The following MALT1 variants were observed in gnomAD, a reference collection of about 807,000 sequenced individuals.
The protein encoded by MALT1 is MALT1 paracaspase, also known as mucosa-associated lymphoid tissue lymphoma translocation protein 1.
MALT1 carries 36 observed loss-of-function variants against 85.5 expected under a neutral mutation model. The observed-to-expected ratio is 0.42, with a 90% CI of 0.32 to 0.56. The LOEUF is 0.56. Among genes scored for constraint, MALT1 ranks in the 20% least tolerant of loss-of-function variants. The pLI, the probability that MALT1 is intolerant of heterozygous loss-of-function variation, is 0.10. For synonymous variants in MALT1, 359 were observed against 361.3 expected, an observed-to-expected ratio of 0.99 and a Z score of 0.07; for missense variants, 716 against 981.6, an observed-to-expected ratio of 0.73 and a Z score of 3.62.
At chr18:58,706,265 T>A (rs1197747658) in intron 4 of MALT1, among the ~76,000 whole-genome samples, 1 of 152,188 alleles carries the variant, frequency 6.6e-6, no homozygotes, top group South Asian at 2.1e-4. Flanking sequence ...CAACTGATTC[T>A]CCTGCCTCAG....
chr18:58,725,864 C>T (rs1190075666), intron 10 of MALT1, among the ~76,000 whole-genome samples: 1 of 152,086 alleles, frequency 6.6e-6, no homozygotes, highest in Non-Finnish European at 1.5e-5. Context: ...AGTTCGAGAC[C>T]AGCCTGGCCA....
chr18:58,746,033 T>TAAAAAA (rs2055362387), intron 16 of MALT1, among the ~76,000 whole-genome samples: 1 of 152,216 alleles, frequency 6.6e-6, no homozygotes, highest in East Asian at 1.9e-4. Context: ...TTTCTTTTTT[T>TAAAAAA]AGAGACAGAG....
intron 4 of MALT1, among the ~76,000 whole-genome samples, chr18:58,701,184 A>T (rs899244956): frequency 3.3e-5 from 5 of 152,056 alleles, no homozygotes; most frequent in African/African-American, 9.7e-5. Context: ...GATGACATAG[A>T]CAGGCCTCAG....
intron 9 of MALT1, among the ~76,000 whole-genome samples, chr18:58,718,368 T>C (rs1368313190): frequency 6.6e-6 from 1 of 152,226 alleles, no homozygotes; most frequent in Non-Finnish European, 1.5e-5. Context: ...CCCCAGGCTG[T>C]GGACCAGAAC....
intron 10 of MALT1, among the ~76,000 whole-genome samples, chr18:58,727,633 T>TG (rs1450230635): frequency 6.7e-6 from 1 of 150,150 alleles, no homozygotes; most frequent in African/African-American, 2.5e-5. Context: ...TTTTTGTTTT[T>TG]TTTTTTTTTG....
chr18:58,688,018 A>C (rs2054431028), intron 2 of MALT1, among the ~76,000 whole-genome samples: 1 of 152,168 alleles, frequency 6.6e-6, no homozygotes, highest in Non-Finnish European at 1.5e-5. Flanking sequence ...TTAAAATAGA[A>C]CTTTCATTTG....
intron 13 of MALT1, among the ~76,000 whole-genome samples, chr18:58,736,568 C>G (rs897239583): frequency 7.2e-5 from 11 of 152,150 alleles, no homozygotes; most frequent in African/African-American, 2.2e-4. Flanking sequence ...TCCATTTTAA[C>G]TATTTTAAAA....
chr18:58,745,139 G>A (rs56757480), intron 15 of MALT1, among the ~76,000 whole-genome samples: 25,450 of 152,160 alleles, frequency 0.17, 2,709 homozygotes, highest in East Asian at 0.29. Flanking sequence ...TCAGCAGTAC[G>A]GAGCCCAGAT....
At chr18:58,693,023 T>C (rs917537170) in intron 2 of MALT1, among the ~76,000 whole-genome samples, 8 of 152,198 alleles carry the variant, frequency 5.3e-5, no homozygotes, top group African/African-American at 1.7e-4. Context: ...AGTTGGTTCA[T>C]GAGGTTTAAG....
At chr18:58,687,001 T>C (rs750508109) in intron 2 of MALT1, among the ~76,000 whole-genome samples, 1 of 152,182 alleles carries the variant, frequency 6.6e-6, no homozygotes, top group Non-Finnish European at 1.5e-5. Flanking sequence ...TCAATACCAT[T>C]TCCATAATGC....
chr18:58,734,402 C>T (rs200733306), intron 12 of MALT1, 21 bp downstream of exon 12: 80 of 1,593,022 alleles, frequency 5.0e-5, no homozygotes, highest in Non-Finnish European at 5.9e-5. Context: ...TTGATGTTTA[C>T]GTTGAAGTTT....
intron 2 of MALT1, among the ~76,000 whole-genome samples, chr18:58,692,308 T>A (rs1369234956): frequency 6.6e-6 from 1 of 152,124 alleles, no homozygotes; most frequent in Non-Finnish European, 1.5e-5. Context: ...AAAAAACTAT[T>A]ATAATTGTTT....
At chr18:58,721,375 C>T (rs956077286) in intron 9 of MALT1, among the ~76,000 whole-genome samples, 3 of 151,966 alleles carry the variant, frequency 2.0e-5, no homozygotes, top group Non-Finnish European at 2.9e-5. Flanking sequence ...AGCGAAACTC[C>T]GTCTCAAAAA....
intron 16 of MALT1, 138 bp downstream of exon 16, chr18:58,745,929 TTTTTATA>T: frequency 1.4e-6 from 1 of 707,818 alleles, no homozygotes; most frequent in Admixed American, 3.0e-5. Flanking sequence ...TCAGTGACCC[TTTTTATA>T]TTCTGTTTCC....
At chr18:58,744,810 T>C (rs768308823) in intron 15 of MALT1, among the ~76,000 whole-genome samples, 1 of 152,194 alleles carries the variant, frequency 6.6e-6, no homozygotes, top group Admixed American at 6.5e-5. Context: ...TAAACAGTTA[T>C]AACTTATATT....
intron 7 of MALT1, among the ~76,000 whole-genome samples, chr18:58,713,526 C>G (rs147944364): frequency 9.9e-4 from 151 of 152,186 alleles, no homozygotes; most frequent in African/African-American, 3.4e-3. Context: ...AAGATACAAG[C>G]CTGAGGAGAC....
intron 13 of MALT1, among the ~76,000 whole-genome samples, chr18:58,738,352 T>G (rs951278206): frequency 3.9e-5 from 6 of 152,246 alleles, no homozygotes; most frequent in African/African-American, 1.2e-4. Flanking sequence ...TATTCTGTTA[T>G]GCAAACATAC....
chr18:58,691,815 G>A (rs1014272175), intron 2 of MALT1, among the ~76,000 whole-genome samples: 4 of 151,876 alleles, frequency 2.6e-5, no homozygotes, highest in East Asian at 1.9e-4. Context: ...GGAGCTTGCC[G>A]TGAGCCGAGA....
At chr18:58,720,557 T>C (rs187856785) in intron 9 of MALT1, among the ~76,000 whole-genome samples, 17 of 152,350 alleles carry the variant, frequency 1.1e-4, no homozygotes, top group East Asian at 1.9e-4. Context: ...TCGATACATA[T>C]GTTTTAAGAC....
Sources: allele counts gnomAD v4.1 joint callset (sites outside exome capture counted in the v4.1 genomes callset), GRCh38; gene constraint gnomAD v4.1.1; transcripts MANE v1.5; gene names NCBI Gene and HGNC (gene_info 2026-07-23, HGNC 2026-07-21).